The following FOXP2 variants were observed in gnomAD, a reference collection of about 807,000 sequenced individuals.
FOXP2 encodes the protein forkhead box protein P2.
FOXP2 carries 12 observed loss-of-function variants against 115.8 expected under a neutral mutation model. The ratio of observed to expected loss-of-function variants is 0.10; its 90% CI spans 0.07 to 0.17. FOXP2 has a LOEUF of 0.17. Ranked by LOEUF, FOXP2 falls within the 10% of genes least tolerant of loss-of-function variation. The pLI is 1.00. For missense variants in FOXP2, 629 were observed against 843.5 expected, an observed-to-expected ratio of 0.75 and a Z score of 3.15; for synonymous variants, 328 against 297.7, an observed-to-expected ratio of 1.10 and a Z score of -1.05.
chr7:114,174,463 G>T (rs1382771478), intron 1 of FOXP2, among the ~76,000 whole-genome samples: 2 of 151,990 alleles, frequency 1.3e-5, no homozygotes, highest in Non-Finnish European at 2.9e-5. Context: ...CTTAAAAGGG[G>T]ATCTGATAGA....
At chr7:114,469,643 A>T (rs544423169) in intron 2 of FOXP2, among the ~76,000 whole-genome samples, 1 of 152,202 alleles carries the variant, frequency 6.6e-6, no homozygotes, top group African/African-American at 2.4e-5. Context: ...AAGGAAGCAG[A>T]TGTTTTGTGC....
chr7:114,252,187 G>C (rs1471784998), intron 1 of FOXP2, among the ~76,000 whole-genome samples: 2 of 152,100 alleles, frequency 1.3e-5, no homozygotes, highest in Non-Finnish European at 2.9e-5. Flanking sequence ...GCTGGATTTA[G>C]TTTGCCAGTA....
At chr7:114,607,557 GA>G (rs370042846) in intron 3 of FOXP2, among the ~76,000 whole-genome samples, 192 of 152,276 alleles carry the variant, frequency 1.3e-3, no homozygotes, top group African/African-American at 4.4e-3. Flanking sequence ...TATAATGTTA[GA>G]ATTAAATTTT....
chr7:114,555,878 T>C (rs528963354), intron 3 of FOXP2, among the ~76,000 whole-genome samples: 260 of 152,218 alleles, frequency 1.7e-3, no homozygotes, highest in Non-Finnish European at 2.6e-3. Context: ...GGAGGGGATC[T>C]CCATCATCAC....
chr7:114,100,872 C>A (rs1400002522), intron 1 of FOXP2, among the ~76,000 whole-genome samples: 1 of 152,140 alleles, frequency 6.6e-6, no homozygotes, highest in Non-Finnish European at 1.5e-5. Context: ...TCCTCATAAT[C>A]TCTTTATAAG....
intron 2 of FOXP2, among the ~76,000 whole-genome samples, chr7:114,472,227 C>T (rs1322627995): frequency 6.6e-6 from 1 of 151,922 alleles, no homozygotes; most frequent in Non-Finnish European, 1.5e-5. Context: ...AAAAAAAGAA[C>T]TTGACAAGAG....
At chr7:114,335,964 G>T (rs1916979) in intron 2 of FOXP2, among the ~76,000 whole-genome samples, 2 of 151,660 alleles carry the variant, frequency 1.3e-5, no homozygotes, top group African/African-American at 4.8e-5. Flanking sequence ...CCAAGCATCA[G>T]GATTTCACCA....
At chr7:114,249,528 T>A (rs1795380658) in intron 1 of FOXP2, among the ~76,000 whole-genome samples, 1 of 152,188 alleles carries the variant, frequency 6.6e-6, no homozygotes, top group Admixed American at 6.5e-5. Flanking sequence ...TCCATGCCAC[T>A]GCAAAGGACA....
At chr7:114,617,971 G>A (rs1166779141) in intron 3 of FOXP2, among the ~76,000 whole-genome samples, 2 of 152,070 alleles carry the variant, frequency 1.3e-5, no homozygotes, top group African/African-American at 4.8e-5. Context: ...CCTAGAAAAG[G>A]CCTGCTTTTC....
At chr7:114,463,954 T>C (rs1290163507) in intron 2 of FOXP2, among the ~76,000 whole-genome samples, 1 of 152,166 alleles carries the variant, frequency 6.6e-6, no homozygotes, top group Non-Finnish European at 1.5e-5. Context: ...TTTGACTATA[T>C]ATTTTTTTTT....
chr7:114,396,669 GGGT>G (rs142670125), intron 2 of FOXP2, among the ~76,000 whole-genome samples: 3,176 of 151,604 alleles, frequency 0.021, 133 homozygotes, highest in African/African-American at 0.073. Context: ...GGGGTTGAGA[GGGT>G]GGTGGTGGTG....
intron 1 of FOXP2, among the ~76,000 whole-genome samples, chr7:114,089,581 G>T (rs1169411817): frequency 6.6e-6 from 1 of 151,860 alleles, no homozygotes; most frequent in African/African-American, 2.4e-5. Context: ...AGAGATTTAT[G>T]AAATGGTTGT....
At chr7:114,134,802 C>T (rs1046564090) in intron 1 of FOXP2, among the ~76,000 whole-genome samples, 9 of 152,096 alleles carry the variant, frequency 5.9e-5, no homozygotes, top group African/African-American at 1.9e-4. Flanking sequence ...CTACACTACT[C>T]TTCTGAAAGT....
intron 2 of FOXP2, among the ~76,000 whole-genome samples, chr7:114,397,053 A>G (rs1562903295): frequency 6.6e-6 from 1 of 152,136 alleles, no homozygotes; most frequent in East Asian, 1.9e-4. Context: ...AATTAAAAAT[A>G]TATACTAACA....
chr7:114,172,694 A>G (rs4730627), intron 1 of FOXP2, among the ~76,000 whole-genome samples: 125,259 of 151,930 alleles, frequency 0.82, 52,730 homozygotes, highest in Non-Finnish European at 0.92. Flanking sequence ...TTAAAAAAAG[A>G]AAAGAAAACA....
chr7:114,406,766 T>C (rs1228414144), intron 2 of FOXP2, among the ~76,000 whole-genome samples: 2 of 151,964 alleles, frequency 1.3e-5, no homozygotes, highest in African/African-American at 2.4e-5. Context: ...ACTCTTTATA[T>C]ATTTATTCTT....
At chr7:114,263,382 CT>C (rs1364399318) in intron 1 of FOXP2, among the ~76,000 whole-genome samples, 4 of 150,154 alleles carry the variant, frequency 2.7e-5, no homozygotes, top group African/African-American at 9.8e-5. Flanking sequence ...CCTTCTTCCC[CT>C]CTTTCTTCCT....
chr7:114,674,052 A>G lies in FOXP2; in HGVS notation c.2003+9616A>G, dbSNP rs553409407. Among the ~76,000 whole-genome samples the G allele has an allele frequency of 2.2e-4, 34 of 152,308 alleles. No individual in the cohort carries two copies. The East Asian group carries it at 5.8e-3, about 26-fold the overall frequency. On this transcript the variant is annotated intron_variant, in intron 16 of 16. Coordinates refer to ENST00000350908, the MANE Select transcript of FOXP2 (RefSeq NM_014491.4). The stretch of plus-strand genomic sequence containing the variant: ...CTTTATAACTCCACCATGGAATCAG[A>G]TCTCTTGAGTTGTAAGACATAATTA...
chr7:114,171,182 G>A (rs1210992545), intron 1 of FOXP2, among the ~76,000 whole-genome samples: 1 of 152,184 alleles, frequency 6.6e-6, no homozygotes, highest in African/African-American at 2.4e-5. Context: ...CTGGATGACA[G>A]CACATATGTT....
Sources: gnomAD v4.1 joint callset for allele counts (sites outside exome capture counted in the v4.1 genomes callset) on GRCh38, gnomAD v4.1.1 for gene constraint, MANE v1.5 for transcripts, NCBI Gene and HGNC (gene_info 2026-07-23, HGNC 2026-07-21) for gene names.